The following TULP1 variants were observed in gnomAD, a reference collection of about 807,000 sequenced individuals.
TULP1 encodes the protein TUB like protein 1, also known as tubby-related protein 1.
TULP1 carries 50 observed loss-of-function variants against 67.1 expected under a neutral mutation model. The ratio of observed to expected loss-of-function variants is 0.75; its 90% CI spans 0.59 to 0.94. The LOEUF is 0.94. Ranked by LOEUF, TULP1 falls within the 40% of genes least tolerant of loss-of-function variation. The pLI, the probability that TULP1 is intolerant of heterozygous loss-of-function variation, is 0.00. For missense variants in TULP1, 746 were observed against 734.1 expected, an observed-to-expected ratio of 1.02 and a Z score of -0.19; for synonymous variants, 297 against 294.0, an observed-to-expected ratio of 1.01 and a Z score of -0.11.
chr6:35,505,720 C>G (rs769663094), intron 11 of TULP1, 21 bp downstream of exon 11: 14 of 1,613,538 alleles, frequency 8.7e-6, no homozygotes, highest in Non-Finnish European at 1.1e-5. Context: ...GTCCCCCCAG[C>G]CCCAGGAAGC....
chr6:35,511,208 G>A (rs973337730), intron 4 of TULP1, among the ~76,000 whole-genome samples, 198 bp from the exon 5 acceptor site: 2 of 152,110 alleles, frequency 1.3e-5, no homozygotes, highest in African/African-American at 4.8e-5. Flanking sequence ...CAAATCAGGG[G>A]AGTGGCTGGG....
At chr6:35,512,081 C>G in intron 3 of TULP1, 99 bp downstream of exon 3, 1 of 691,672 alleles carries the variant, frequency 1.4e-6, no homozygotes, top group Non-Finnish European at 2.1e-6. Context: ...TCCTCCCCCA[C>G]CCCGTTCCAG....
At chr6:35,505,487 TG>T in intron 11 of TULP1, 1 of 1,035,164 alleles carries the variant, frequency 9.7e-7, no homozygotes, top group African/African-American at 1.6e-5. Flanking sequence ...AGTGAGGCCC[TG>T]GGCTGGCAGC....
chr6:35,501,509 G>GAAA (rs67875217), intron 13 of TULP1, among the ~76,000 whole-genome samples: 2,311 of 88,484 alleles, frequency 0.026, 227 homozygotes, highest in East Asian at 0.074. Context: ...CTCGGTCTCA[G>GAAA]AAAAAAAAAA....
At position 35,506,328 on chromosome 6, in the gene TULP1, C is replaced by T. The variant is rs757669424; in HGVS notation, c.823-49G>A. 2.3e-5 allele frequency: 35 copies of T among 1,549,422 alleles called. 1 individual carries two copies. In the Admixed American group the frequency reaches 6.9e-4, roughly 30 times the overall value. On this transcript the variant is annotated intron_variant, in intron 8 of 14. Coordinates refer to ENST00000229771, the MANE Select transcript of TULP1 (RefSeq NM_003322.6). ...GCTGGCTAGAGCAGGGGCCGCATCC[C>T]TGGAGGCGGGGAAGCCACTGCCCCT...
Position 35,506,005 on chromosome 6 carries a change from T to C in TULP1, c.997A>G (p.Lys333Glu). Residue 333 changes from lysine (K) to glutamate (E), a missense_variant and splice_region_variant, in exon 10 of 15, where the codon AAG becomes GAG. Around this residue, in one of 3 missense-constraint regions of TULP1, gnomAD observed 383 missense variants for 374.1 expected, o/e 1.02. Transcript: ENST00000229771. ...CTCTGCTGCCTCTCCCCACCCACCT[T>C]CTTCTCCGTGTCCAGGTGCAGGAAG... ...SYFLHLDTEK[K>E]VFLLAGRKRK... 6.2e-7 allele frequency: 1 copy of C among 1,614,098 alleles called. No homozygotes were observed. The highest frequency in any genetic ancestry group is 8.5e-7 in the Non-Finnish European group (1 of 1,180,032).
At position 35,512,867 on chromosome 6, in the gene TULP1, T is replaced by C. The variant is rs1303443361; in HGVS notation, c.-9A>G. The C allele has an allele frequency of 2.5e-6, 4 of 1,612,234 alleles. No individual in the cohort carries two copies. In the African/African-American group the frequency reaches 4.0e-5, roughly 16 times the overall value. On this transcript the variant is annotated 5_prime_UTR_variant, in exon 1 of 15. Coordinates refer to ENST00000229771, the MANE Select transcript of TULP1 (RefSeq NM_003322.6). The stretch of plus-strand genomic sequence containing the variant: ...TCATCCCGCAGAGGCATGGTGCCTT[T>C]GCCTATCGCACCCCTTTCTCTGCAG...
chr6:35,505,447 C>G lies in TULP1; in HGVS notation c.1112+294G>C, dbSNP rs955676342. 26 of 612,960 alleles carry G rather than the reference C, an allele frequency of 4.2e-5. No homozygotes were observed. The African/African-American group carries it at 4.4e-4, about 10-fold the overall frequency. The allele number at this position is 612,960 out of a possible 1,614,324, so 38.0% of individuals were successfully genotyped here. A position where few individuals can be genotyped will look rare whatever the true frequency, so the allele number is the denominator to read the frequency against. ...GCCCTAAACAAGGCAGGCACAGTGC[C>G]TGCCCTCGTGGAACTTATGCCCTGC... On this transcript the variant is annotated intron_variant, in intron 11 of 14. Coordinates refer to ENST00000229771, the MANE Select transcript of TULP1 (RefSeq NM_003322.6).
In TULP1 at chr6:35,511,531, G is replaced by A. The variant is rs1761201312; in HGVS notation, c.349+117C>T. On this transcript the variant is annotated intron_variant, in intron 4 of 14. Coordinates refer to ENST00000229771, the MANE Select transcript of TULP1 (RefSeq NM_003322.6). ...CTGGCTCAAAGATAAGGCCAGAAAA[G>A]TGGGGGCTATTTGACTACAGTTGTT... 3.5e-5 allele frequency: 52 copies of A among 1,477,662 alleles called. No individual in the cohort carries two copies. The East Asian group carries it at 1.3e-3, about 36-fold the overall frequency. 91.5% of individuals were successfully genotyped at this position (1,477,662 alleles called of 1,614,324 possible).
At chr6:35,510,026 T>A in intron 5 of TULP1, 98 bp from the exon 6 acceptor site, 1 of 1,183,570 alleles carries the variant, frequency 8.4e-7, no homozygotes, top group Non-Finnish European at 1.2e-6. Flanking sequence ...CCAGGGAGGC[T>A]GAAAGCTTGA....
In TULP1 at chr6:35,497,893, T is replaced by C. The variant is rs1768729523; in HGVS notation, c.*434A>G. On this transcript the variant is annotated 3_prime_UTR_variant, in exon 15 of 15. Transcript: ENST00000229771. ...CTCCGCTTGGCCAAGGACGCGGCTT[T>C]ATTGGGGATGTGGGTGCCTGGCCCT... The C allele has an allele frequency of 4.6e-6, 1 of 219,774 alleles. No individual in the cohort carries two copies. Among genetic ancestry groups the C allele is most frequent in the Non-Finnish European group, 9.3e-6 (1 of 108,008 alleles). 13.6% of individuals were successfully genotyped at this position (219,774 alleles called of 1,614,324 possible).
In TULP1 at chr6:35,498,140, C is replaced by T. The variant is rs1449973282; in HGVS notation, c.*187G>A. On this transcript the variant is annotated 3_prime_UTR_variant, in exon 15 of 15. Coordinates refer to ENST00000229771, the MANE Select transcript of TULP1 (RefSeq NM_003322.6). The surrounding 1 kb of genome is among the most constrained non-coding windows in gnomAD (Gnocchi z 6.7). ...CTTCATCTCCGTCCTACCCGCCGTC[C>T]GGGCTCCTCCTGCCTCGGCCTGTGC... is the stretch of plus-strand genomic sequence containing the variant. 2 of 952,458 alleles carry T rather than the reference C, an allele frequency of 2.1e-6. No individual in the cohort carries two copies. Among genetic ancestry groups the T allele is most frequent in the African/African-American group, 1.7e-5 (1 of 60,466 alleles). The allele number at this position is 952,458 out of a possible 1,614,324, so 59.0% of individuals were successfully genotyped here. A position where few individuals can be genotyped will look rare whatever the true frequency, so the allele number is the denominator to read the frequency against.
intron 13 of TULP1, among the ~76,000 whole-genome samples, chr6:35,502,483 T>C (rs1469437332): frequency 2.0e-5 from 3 of 150,692 alleles, no homozygotes. Context: ...TGAGCCACCA[T>C]GGCTGGCAAC....
Position 35,509,694 on chromosome 6 carries a change from G to A in TULP1, c.658C>T (p.Pro220Ser), listed in dbSNP as rs1032251653. 9.3e-6 allele frequency: 15 copies of A among 1,613,868 alleles called. No homozygotes were observed. The highest frequency in any genetic ancestry group is 1.2e-5 in the Non-Finnish European group (14 of 1,180,010). Reference protein sequence around the residue: ...SGSPASARKSPAAMFLVGEGS... With the variant: ...SGSPASARKSSAAMFLVGEGS... ...TCCCCAACCAGAAACATGGCTGCTGGGCTCTTCCTCGCACTGGCTGGGCTC... is the reference window on the plus strand; with the variant it reads ...TCCCCAACCAGAAACATGGCTGCTGAGCTCTTCCTCGCACTGGCTGGGCTC... Residue 220 changes from proline to serine, a missense_variant, in exon 7 of 15, where the codon CCA becomes TCA. Pro to Ser is a moderately conservative substitution (Grantham distance 74). Coordinates refer to ENST00000229771, the MANE Select transcript of TULP1 (RefSeq NM_003322.6).
intron 5 of TULP1, among the ~76,000 whole-genome samples, chr6:35,510,396 C>T (rs2150927712): frequency 6.6e-6 from 1 of 152,284 alleles, no homozygotes; most frequent in East Asian, 1.9e-4. Context: ...CTCTGGTCAC[C>T]ACTACAGAGT....
At chr6:35,510,613 A>T in intron 5 of TULP1, 1 of 679,520 alleles carries the variant, frequency 1.5e-6, no homozygotes. Flanking sequence ...AGAAAACTAG[A>T]ATCCTCTGTC....
Position 35,503,623 on chromosome 6 carries a change from C to A in TULP1, c.1259G>T (p.Arg420Leu). 3 of 1,598,500 alleles carry A rather than the reference C, an allele frequency of 1.9e-6. No individual in the cohort carries two copies. The highest frequency in any genetic ancestry group is 2.6e-6 in the Non-Finnish European group (3 of 1,172,726). Residue 420 changes from arginine (R) to leucine (L), a missense_variant, in exon 13 of 15, where the codon CGC becomes CTC. Transcript: ENST00000229771. This position sits in a 1 kb window ranked among gnomAD's most constrained non-coding sequence, Gnocchi z 4.0. The stretch of plus-strand genomic sequence containing the variant: ...CATGCCAGGAATGATGACGGTCATG[C>A]GCCGGGGGCCACGGAAGCCCAGCAC... ...TNVLGFRGPR[R>L]MTVIIPGMSA... is the part of the protein sequence containing the mutation.
intron 14 of TULP1, 141 bp downstream of exon 14, chr6:35,499,840 A>G: frequency 1.9e-6 from 2 of 1,053,354 alleles, no homozygotes; most frequent in Non-Finnish European, 2.9e-6. Context: ...CCTATGGAGG[A>G]GAGAGTGACC....
intron 8 of TULP1, among the ~76,000 whole-genome samples, chr6:35,508,506 C>T (rs1277198413): frequency 1.3e-5 from 2 of 152,198 alleles, no homozygotes; most frequent in Non-Finnish European, 1.5e-5. Flanking sequence ...GCCCTGTCCT[C>T]GTGGTGATCT....
Sources: gnomAD v4.1 joint callset for allele counts (sites outside exome capture counted in the v4.1 genomes callset) on GRCh38, gnomAD v4.1.1 for gene constraint, gnomAD v4.1.1 regional missense constraint, Gnocchi (gnomAD v3.1) non-coding constraint, MANE v1.5 for transcripts, NCBI Gene and HGNC (gene_info 2026-07-23, HGNC 2026-07-21) for gene names.